ANGEL1: variants seen among roughly 807,000 people sequenced by gnomAD.
ANGEL1 encodes RNA 2',3'-cyclic phosphatase ANGEL1.
In ANGEL1, 62 loss-of-function variants were observed where a neutral mutation model predicts 76.4. The ratio of observed to expected loss-of-function variants is 0.81; its 90% CI spans 0.66 to 1.00. The LOEUF is 1.00. Among genes scored for constraint, ANGEL1 ranks in the 50% least tolerant of loss-of-function variants. The pLI, the probability that ANGEL1 is intolerant of heterozygous loss-of-function variation, is 0.00. For synonymous variants in ANGEL1, 340 were observed against 331.7 expected (o/e 1.03, Z -0.27); for missense variants, 737 against 836.7 (o/e 0.88, Z 1.47).
Position 76,790,635 on chromosome 14 carries a change from A to G in ANGEL1, c.1828T>C (p.Ser610Pro). 3 of 1,613,936 alleles carry G rather than the reference A, an allele frequency of 1.9e-6. No individual in the cohort carries two copies. Among genetic ancestry groups the G allele is most frequent in the Non-Finnish European group, 2.5e-6 (3 of 1,179,928 alleles). ...CCAGTTCTGTTCCCATTCTCACAGG[A>G]CTCAGCTGAGAAGAAGATGTAATCT... ...TVDYIFFSAE[S>P]CENGNRTDHR... is the part of the protein sequence containing the mutation. Residue 610 changes from serine to proline, a missense_variant, in exon 9 of 10, where the codon TCC becomes CCC. This residue lies in a region of ANGEL1 where 296 missense variants were observed against 387.2 expected (regional missense o/e 0.76). Transcript: ENST00000251089.
At chr14:76,791,140 AC>A (rs1894393909) in intron 8 of ANGEL1, among the ~76,000 whole-genome samples, 156 bp downstream of exon 8, 2 of 152,298 alleles carry the variant, frequency 1.3e-5, no homozygotes, top group Non-Finnish European at 2.9e-5. Context: ...GCTTCTGCAT[AC>A]CTACATAACC....
In ANGEL1 at chr14:76,809,445, T is replaced by C. The variant is rs745463422; in HGVS notation, c.263A>G (p.Gln88Arg). The stretch of plus-strand genomic sequence containing the variant: ...ATCCATCAGAAGTGCCAGGCTGCTC[T>C]GGGCTAGTCCTTTATCTATAAGGGG... ...EGPLIDKGLAQSSLALLMDNP... is the reference protein window; with the variant it reads ...EGPLIDKGLARSSLALLMDNP... The change falls in exon 2 of 10, where the codon CAG becomes CGG. Residue 88 changes from glutamine to arginine, a missense_variant. Physicochemically the swap from Gln to Arg is conservative, Grantham distance 43. Transcript: ENST00000251089. 1 of 1,614,250 alleles carries C rather than the reference T, an allele frequency of 6.2e-7. No individual in the cohort carries two copies. The highest frequency in any genetic ancestry group is 1.1e-5 in the South Asian group (1 of 91,086).
chr14:76,808,856 C>A (rs1227531320), intron 2 of ANGEL1, among the ~76,000 whole-genome samples: 1 of 152,178 alleles, frequency 6.6e-6, no homozygotes, highest in Non-Finnish European at 1.5e-5. Context: ...TACCTCTCTG[C>A]ACTCTGATTA....
intron 7 of ANGEL1, among the ~76,000 whole-genome samples, chr14:76,792,424 T>C (rs1246280383): frequency 6.6e-6 from 1 of 152,052 alleles, no homozygotes; most frequent in African/African-American, 2.4e-5. Context: ...ACATCAAAAC[T>C]AGATAAAATG....
intron 3 of ANGEL1, 39 bp downstream of exon 3, chr14:76,807,883 A>G: frequency 6.2e-7 from 1 of 1,606,402 alleles, no homozygotes; most frequent in African/African-American, 1.3e-5. Context: ...GCCCAGGTCC[A>G]GCAACAATGC....
In ANGEL1 at chr14:76,806,936, C is replaced by T. The variant is rs569008189; in HGVS notation, c.947-87G>A. 3.0e-5 allele frequency: 41 copies of T among 1,382,574 alleles called. No individual in the cohort carries two copies. The South Asian group carries it at 5.4e-4, about 18-fold the overall frequency. The allele number at this position is 1,382,574 out of a possible 1,614,324, so 85.6% of individuals were successfully genotyped here. A position where few individuals can be genotyped will look rare whatever the true frequency, so the allele number is the denominator to read the frequency against. ...CCAGCACCAGCAGTCCCAGTGTATG[C>T]CCCTGAGGCATTGTTCCTGCTACTC... On this transcript the variant is annotated intron_variant, in intron 4 of 9. Coordinates refer to ENST00000251089, the MANE Select transcript of ANGEL1 (RefSeq NM_015305.4).
At position 76,806,650 on chromosome 14, in the gene ANGEL1, C is replaced by T. The variant is rs756273323; in HGVS notation, c.1146G>A (p.Ser382=). ...PLVPEGLGQV[S]VAPLCVANTH... is the part of the protein sequence containing the mutation. ...TATTTGCCACACACAGCGGGGCCACCGAGACTTGTCCCAGGCCTTCTGGGA... is the reference window on the plus strand; with the variant it reads ...TATTTGCCACACACAGCGGGGCCACTGAGACTTGTCCCAGGCCTTCTGGGA... Residue 382 remains serine, a synonymous_variant, in exon 5 of 10, where the codon TCG becomes TCA. Transcript: ENST00000251089. The T allele has an allele frequency of 6.2e-6, 10 of 1,613,892 alleles. No homozygotes were observed. The highest frequency in any genetic ancestry group is 3.3e-5 in the South Asian group (3 of 91,078).
In ANGEL1 at chr14:76,809,473, C is replaced by T. The variant is rs761578566; in HGVS notation, c.235G>A (p.Gly79Arg). ...LSQVLSTASEGPLIDKGLAQS... is the reference protein window; with the variant it reads ...LSQVLSTASERPLIDKGLAQS... ...GCTAGTCCTTTATCTATAAGGGGCC[C>T]CTCACTTGCAGTTGAGAGCACCTGG... The change falls in exon 2 of 10, where the codon GGG becomes AGG. Residue 79 changes from glycine to arginine, a missense_variant. Physicochemically the swap from Gly to Arg is moderately radical, Grantham distance 125. This residue lies in a region of ANGEL1 where 441 missense variants were observed against 449.5 expected (regional missense o/e 0.98). Coordinates refer to ENST00000251089, the MANE Select transcript of ANGEL1 (RefSeq NM_015305.4). 1.2e-6 allele frequency: 2 copies of T among 1,614,068 alleles called. No individual in the cohort carries two copies. Among genetic ancestry groups the T allele is most frequent in the Non-Finnish European group, 1.7e-6 (2 of 1,180,026 alleles).
In ANGEL1 at chr14:76,787,050, C is replaced by T. The variant is rs1377776736; in HGVS notation, c.*2178G>A. ...GGCTTCACTCAAGCCCTGTTCCTCC[C>T]AGGCCTCACAGCAGTGGGAATTTAC... On this transcript the variant is annotated 3_prime_UTR_variant, in exon 10 of 10. Coordinates refer to ENST00000251089, the MANE Select transcript of ANGEL1 (RefSeq NM_015305.4). The T allele has an allele frequency of 2.0e-5, 3 of 152,180 alleles. No individual in the cohort carries two copies. Among genetic ancestry groups the T allele is most frequent in the Non-Finnish European group, 4.4e-5 (3 of 68,058 alleles). 9.4% of individuals were successfully genotyped at this position (152,180 alleles called of 1,614,324 possible). A position where few individuals can be genotyped will look rare whatever the true frequency, so the allele number is the denominator to read the frequency against.
chr14:76,812,734 C>A (rs1595312810), intron 1 of ANGEL1, 30 bp downstream of exon 1: 1 of 1,500,798 alleles, frequency 6.7e-7, no homozygotes, highest in East Asian at 2.7e-5. Flanking sequence ...CCTGGCCGGG[C>A]TCCTGTCTGT....
intron 7 of ANGEL1, among the ~76,000 whole-genome samples, chr14:76,796,564 T>C (rs1004608694): frequency 6.6e-6 from 1 of 152,214 alleles, no homozygotes; most frequent in African/African-American, 2.4e-5. Context: ...TTTTCACTTT[T>C]AACTTATATG....
chr14:76,799,631 C>T (rs1184826565), intron 7 of ANGEL1, among the ~76,000 whole-genome samples: 3 of 152,084 alleles, frequency 2.0e-5, no homozygotes, highest in Non-Finnish European at 2.9e-5. Flanking sequence ...GTTGGCTGGG[C>T]ATGGTGGCTC....
rs771874164 is a variant in ANGEL1, at chr14:76,790,765, A to AC, written c.1697dup (p.Thr567TyrfsTer43). The AC allele has an allele frequency of 6.2e-7, 1 of 1,612,656 alleles. No homozygotes were observed. Among genetic ancestry groups the AC allele is most frequent in the Non-Finnish European group, 8.5e-7 (1 of 1,179,234 alleles). ...TCAGGTGGAGGCAGTGCTGGATGGTACCTACAGTCCTACAGGGATGAAGGG... is the reference window on the plus strand; with the variant it reads ...TCAGGTGGAGGCAGTGCTGGATGGTACCCTACAGTCCTACAGGGATGAAGGG... On this transcript the variant is annotated frameshift_variant, in exon 9 of 10. Coordinates refer to ENST00000251089, the MANE Select transcript of ANGEL1 (RefSeq NM_015305.4). LOFTEE classifies it high-confidence loss of function.
In ANGEL1 at chr14:76,799,277, CCTTTTTTTTT is replaced by C. The variant is rs1452980556; in HGVS notation, c.1618+4084_1618+4093del. ...TCTCGTTGTACTCCATTCATGGCCT[CCTTTTTTTTT>C]TTTTTTTTTTTTTTTTTTTTTTTTG... is the stretch of plus-strand genomic sequence containing the variant. On this transcript the variant is annotated intron_variant, in intron 7 of 9. Transcript: ENST00000251089. 2.1e-4 allele frequency among the ~76,000 whole-genome samples: 18 copies of C among 87,590 alleles called. No individual in the cohort carries two copies. In the Admixed American group the frequency reaches 2.2e-3, roughly 11 times the overall value. 57.5% of individuals were successfully genotyped at this position (87,590 alleles called of 152,430 possible). A position where few individuals can be genotyped will look rare whatever the true frequency, so the allele number is the denominator to read the frequency against.
intron 7 of ANGEL1, among the ~76,000 whole-genome samples, chr14:76,799,698 G>C (rs1026992480): frequency 6.6e-6 from 1 of 152,150 alleles, no homozygotes; most frequent in Admixed American, 6.5e-5. Context: ...TTGAGCTCAA[G>C]AGTTCGGGAC....
At chr14:76,803,713 G>T in intron 6 of ANGEL1, 73 bp downstream of exon 6, 1 of 1,534,576 alleles carries the variant, frequency 6.5e-7, no homozygotes, top group Non-Finnish European at 8.8e-7. Flanking sequence ...ACTTTTTCTT[G>T]TCGTTGAGAC....
intron 1 of ANGEL1, 187 bp downstream of exon 1, chr14:76,812,577 G>A (rs1895120385): frequency 1.6e-6 from 2 of 1,267,184 alleles, no homozygotes; most frequent in South Asian, 5.3e-5. Flanking sequence ...CGTCGGCCAG[G>A]TCCAGGCCTC....
intron 1 of ANGEL1, among the ~76,000 whole-genome samples, chr14:76,811,037 C>T (rs893405126): frequency 3.9e-5 from 6 of 152,114 alleles, no homozygotes; most frequent in African/African-American, 1.4e-4. Flanking sequence ...ATATTTATGT[C>T]CTTCTAAACA....
At position 76,787,220 on chromosome 14, in the gene ANGEL1, G is replaced by A. The variant is rs1894281486; in HGVS notation, c.*2008C>T. 1 of 151,924 alleles carries A rather than the reference G, an allele frequency of 6.6e-6. No homozygotes were observed. Among genetic ancestry groups the A allele is most frequent in the Non-Finnish European group, 1.5e-5 (1 of 68,018 alleles). The allele number at this position is 151,924 out of a possible 1,614,324, so 9.4% of individuals were successfully genotyped here. A position where few individuals can be genotyped will look rare whatever the true frequency, so the allele number is the denominator to read the frequency against. Reference sequence around the variant, plus strand: ...CTCTCTCAAGGACCTAATCCCTTCAGGATCCTAATAAAATGAACAACATTG... The same window carrying A: ...CTCTCTCAAGGACCTAATCCCTTCAAGATCCTAATAAAATGAACAACATTG... On this transcript the variant is annotated 3_prime_UTR_variant, in exon 10 of 10. Transcript: ENST00000251089.
Sources: gnomAD v4.1 joint callset for allele counts (sites outside exome capture counted in the v4.1 genomes callset) on GRCh38, gnomAD v4.1.1 for gene constraint, gnomAD v4.1.1 regional missense constraint, MANE v1.5 for transcripts, NCBI Gene and HGNC (gene_info 2026-07-23, HGNC 2026-07-21) for gene names.